Variants in MED16 observed in about 807,000 individuals in gnomAD.
MED16 encodes mediator complex subunit 16.
MED16 carries 81 observed loss-of-function variants against 84.4 expected under a neutral mutation model. The ratio of observed to expected loss-of-function variants is 0.96; its 90% CI spans 0.80 to 1.15. MED16 has a LOEUF of 1.15. MED16 is among the 50% of genes most tolerant of loss of function. The probability of loss-of-function intolerance (pLI) is 0.00; values close to 1 mark genes in which losing one functional copy is unlikely to be tolerated. For missense variants in MED16, 1,585 were observed against 1,245.9 expected, an observed-to-expected ratio of 1.27 and a Z score of -4.10; for synonymous variants, 897 against 552.2, an observed-to-expected ratio of 1.62 and a Z score of -8.76.
chr19:870,444 C>G (rs1006219614), intron 13 of MED16, among the ~76,000 whole-genome samples: 2 of 151,872 alleles, frequency 1.3e-5, no homozygotes, highest in African/African-American at 4.8e-5. Flanking sequence ...GCCTGTAATC[C>G]CAGCTACTGG....
chr19:872,191 C>G, intron 11 of MED16, 73 bp from the exon 12 acceptor site: 1 of 1,340,568 alleles, frequency 7.5e-7, no homozygotes, highest in East Asian at 2.5e-5. Flanking sequence ...GTCTTGGGGT[C>G]GGTGGAACCC....
intron 4 of MED16, among the ~76,000 whole-genome samples, chr19:887,313 A>G (rs2036546411): frequency 6.6e-6 from 1 of 152,144 alleles, no homozygotes; most frequent in African/African-American, 2.4e-5. Flanking sequence ...TGTGGGTCGC[A>G]GGCTGGCATG....
chr19:892,909 C>G (rs190646188), intron 1 of MED16, 177 bp downstream of exon 1: 1 of 136,398 alleles, frequency 7.3e-6, no homozygotes, highest in Non-Finnish European at 1.6e-5. Flanking sequence ...CCGCGCCCCG[C>G]GCCCCGCGCC....
At chr19:870,149 C>T (rs149621419) in intron 13 of MED16, among the ~76,000 whole-genome samples, 180 of 152,336 alleles carry the variant, frequency 1.2e-3, no homozygotes, top group African/African-American at 3.9e-3. Flanking sequence ...TATGCTAAGG[C>T]GTCTCTCTCC....
At chr19:887,414 T>C (rs978815666) in intron 4 of MED16, among the ~76,000 whole-genome samples, 3 of 152,158 alleles carry the variant, frequency 2.0e-5, no homozygotes, top group Non-Finnish European at 4.4e-5. Flanking sequence ...ACGCCTGTAA[T>C]CTCAGCACTT....
Position 885,806 on chromosome 19 carries a change from G to A in MED16, c.843C>T (p.Thr281=), listed in dbSNP as rs778121751. 1.2e-6 allele frequency: 2 copies of A among 1,612,328 alleles called. No individual in the cohort carries two copies. Among genetic ancestry groups the A allele is most frequent in the East Asian group, 4.5e-5 (2 of 44,864 alleles). ...TGTCCCGGGCCAGGAACTTGAGGTGGGTGATGGCGGGAAACTTGTCCTTGC... is the reference window on the plus strand; with the variant it reads ...TGTCCCGGGCCAGGAACTTGAGGTGAGTGATGGCGGGAAACTTGTCCTTGC... ...LNRKDKFPAI[T]HLKFLARDMS... Residue 281 remains threonine (T), a synonymous_variant, in exon 5 of 16, where the codon ACC becomes ACT. Transcript: ENST00000325464.
rs1040996859 is a variant in MED16 at position 868,024 on chromosome 19, C to A, written c.*77G>T. The A allele has an allele frequency of 9.9e-6, 15 of 1,508,600 alleles. No individual in the cohort carries two copies. Among genetic ancestry groups the A allele is most frequent in the South Asian group, 1.3e-5 (1 of 76,986 alleles). The allele number at this position is 1,508,600 out of a possible 1,614,324, so 93.5% of individuals were successfully genotyped here. On this transcript the variant is annotated 3_prime_UTR_variant, in exon 16 of 16. Transcript: ENST00000325464. ...AGCCGCTGCTTGTCCAGGTTCAGCG[C>A]TCTCCGCGGGTGAGGCAAGGAAACC... is the stretch of plus-strand genomic sequence containing the variant.
intron 7 of MED16, 68 bp downstream of exon 7, chr19:881,491 T>A: frequency 5.9e-6 from 9 of 1,537,482 alleles, no homozygotes; most frequent in Non-Finnish European, 7.9e-6. Flanking sequence ...CCCCGTGGCC[T>A]GTGCTCAGGG....
In MED16 at chr19:871,428, CCTGG is replaced by C. The variant is rs577126879; in HGVS notation, c.2099-179_2099-176del. Among the ~76,000 whole-genome samples the C allele has an allele frequency of 1.9e-4, 29 of 152,224 alleles. No homozygotes were observed. In the East Asian group the frequency reaches 5.6e-3, roughly 30 times the overall value. On this transcript the variant is annotated intron_variant, in intron 12 of 15. Coordinates refer to ENST00000325464, the MANE Select transcript of MED16 (RefSeq NM_005481.3). ...CAGGTCGGGGCCCCGGCTCTGCCTG[CCTGG>C]CTGGGTGACCCCAGAGTTCTCTCCC...
intron 5 of MED16, among the ~76,000 whole-genome samples, 190 bp from the exon 6 acceptor site, chr19:885,198 G>C (rs1478617660): frequency 1.3e-5 from 2 of 152,170 alleles, no homozygotes; most frequent in African/African-American, 4.8e-5. Context: ...TCACAGGAAC[G>C]CAAATGTCCC....
At chr19:888,987 A>T (rs1453171792) in intron 4 of MED16, among the ~76,000 whole-genome samples, 3 of 151,896 alleles carry the variant, frequency 2.0e-5, no homozygotes. Context: ...TGACACACAG[A>T]GGTGAGGAGT....
At chr19:880,387 C>T (rs950761149) in intron 7 of MED16, among the ~76,000 whole-genome samples, 1 of 152,226 alleles carries the variant, frequency 6.6e-6, no homozygotes, top group Non-Finnish European at 1.5e-5. Context: ...CCCTCCCCGC[C>T]CCTCCCAGCT....
chr19:889,851 A>G (rs763320958), intron 3 of MED16, 44 bp from the exon 4 acceptor site: 2 of 1,570,832 alleles, frequency 1.3e-6, no homozygotes, highest in Middle Eastern at 3.9e-4. Context: ...AGGGATGGGC[A>G]GAGCACTGCG....
rs751800037 is a variant in MED16, at chr19:871,259, G to T, written c.2099-6C>A. The T allele has an allele frequency of 5.9e-6, 9 of 1,530,722 alleles. No individual in the cohort carries two copies. The East Asian group carries it at 1.2e-4, about 21-fold the overall frequency. The allele number at this position is 1,530,722 out of a possible 1,614,324, so 94.8% of individuals were successfully genotyped here. A position where few individuals can be genotyped will look rare whatever the true frequency, so the allele number is the denominator to read the frequency against. On this transcript the variant is annotated splice_region_variant and splice_polypyrimidine_tract_variant and intron_variant, in intron 12 of 15. Transcript: ENST00000325464. ...CGCTGGGCCCTCATCGCGACCTGCGGAGAGAGGTGGCGGAAGTCTCAGCAC... is the reference window on the plus strand; with the variant it reads ...CGCTGGGCCCTCATCGCGACCTGCGTAGAGAGGTGGCGGAAGTCTCAGCAC...
intron 8 of MED16, 83 bp from the exon 9 acceptor site, chr19:877,263 G>GCCCTCAGCC: frequency 7.3e-7 from 1 of 1,378,120 alleles, no homozygotes; most frequent in Non-Finnish European, 9.9e-7. Context: ...CTGGGGCTGC[G>GCCCTCAGCC]GCACGTGTGT....
chr19:870,205 G>A (rs567076848), intron 13 of MED16, among the ~76,000 whole-genome samples: 11 of 152,282 alleles, frequency 7.2e-5, no homozygotes, highest in African/African-American at 2.2e-4. Flanking sequence ...AGGGGGGCCA[G>A]AGACTAAGGG....
chr19:870,519 C>T lies in MED16; in HGVS notation c.2315+518G>A, dbSNP rs565465637. Among the ~76,000 whole-genome samples, 5 of 149,084 alleles carry T rather than the reference C, an allele frequency of 3.4e-5. No individual in the cohort carries two copies. The East Asian group carries it at 9.9e-4, about 29-fold the overall frequency. On this transcript the variant is annotated intron_variant, in intron 13 of 15. Coordinates refer to ENST00000325464, the MANE Select transcript of MED16 (RefSeq NM_005481.3). ...GACGTTGCAGTGGGCCAAGACGGCA[C>T]TACTGCACTCCAGCCTGGGCAACAG...
chr19:875,169 A>C (rs1377480268), intron 10 of MED16, 75 bp downstream of exon 10: 2 of 1,055,946 alleles, frequency 1.9e-6, no homozygotes, highest in Non-Finnish European at 1.3e-6. Flanking sequence ...ATCTCAAAAG[A>C]GTAAAAAAAA....
intron 7 of MED16, 91 bp from the exon 8 acceptor site, chr19:880,239 C>CGG: frequency 8.0e-7 from 1 of 1,246,830 alleles, no homozygotes; most frequent in South Asian, 1.6e-5. Flanking sequence ...TGTGGAGAGC[C>CGG]GGGGCTGCCC....
Sources: allele counts gnomAD v4.1 joint callset (sites outside exome capture counted in the v4.1 genomes callset), GRCh38; gene constraint gnomAD v4.1.1; transcripts MANE v1.5; gene names NCBI Gene and HGNC (gene_info 2026-07-23, HGNC 2026-07-21).